Variants in MINDY4 observed in about 807,000 individuals in gnomAD.
MINDY4 encodes probable ubiquitin carboxyl-terminal hydrolase MINDY-4.
MINDY4 carries 68 observed loss-of-function variants against 87.0 expected under a neutral mutation model. The ratio of observed to expected loss-of-function variants is 0.78; its 90% CI spans 0.64 to 0.96. The LOEUF (loss-of-function observed/expected upper bound fraction) is 0.96, where lower values mean the gene tolerates loss of function less well. MINDY4 is among the 40% of genes least tolerant of loss of function. The pLI, the probability that MINDY4 is intolerant of heterozygous loss-of-function variation, is 0.00. For synonymous variants in MINDY4, 379 were observed against 363.2 expected (o/e 1.04, Z -0.50); for missense variants, 919 against 928.2 (o/e 0.99, Z 0.13).
chr7:30,813,892 G>T (rs1788077915), intron 5 of MINDY4, among the ~76,000 whole-genome samples: 1 of 152,006 alleles, frequency 6.6e-6, no homozygotes, highest in African/African-American at 2.4e-5. Flanking sequence ...TTTCCTGGAG[G>T]TTCTTTTTTC....
chr7:30,841,499 G>A (rs944744580), intron 9 of MINDY4, among the ~76,000 whole-genome samples: 61 of 152,288 alleles, frequency 4.0e-4, no homozygotes, highest in African/African-American at 1.4e-3. Flanking sequence ...GAAAGGATTG[G>A]CAGGGCACTG....
intron 5 of MINDY4, among the ~76,000 whole-genome samples, chr7:30,821,587 T>A (rs2128560846): frequency 6.6e-6 from 1 of 152,350 alleles, no homozygotes; most frequent in East Asian, 1.9e-4. Context: ...CATTTGAATC[T>A]CATGTTTCTA....
Position 30,839,230 on chromosome 7 carries a change from T to G in MINDY4, c.1270T>G (p.Phe424Val). ...EIKTLLFGSS[F>V]CCFNEEWKLQ... Reference sequence around the variant, plus strand: ...AAAGACCCTTCTGTTTGGTTCCAGCTTTTGCTGTTTCAATGAAGAATGGAA... The same window carrying G: ...AAAGACCCTTCTGTTTGGTTCCAGCGTTTGCTGTTTCAATGAAGAATGGAA... Residue 424 changes from phenylalanine (F) to valine (V), a missense_variant, in exon 8 of 18, where the codon TTT (phenylalanine) becomes GTT (valine). Physicochemically the swap from Phe to Val is conservative, Grantham distance 50. Transcript: ENST00000265299. 1 of 1,610,760 alleles carries G rather than the reference T, an allele frequency of 6.2e-7. No homozygotes were observed. Among genetic ancestry groups the G allele is most frequent in the Non-Finnish European group, 8.5e-7 (1 of 1,179,088 alleles).
chr7:30,870,198 C>T (rs553029275), intron 13 of MINDY4, among the ~76,000 whole-genome samples: 5 of 152,182 alleles, frequency 3.3e-5, no homozygotes, highest in Non-Finnish European at 5.9e-5. Context: ...TCCCAGCTGA[C>T]GCAGGCTCTC....
chr7:30,786,214 T>C, intron 4 of MINDY4: 1 of 572,756 alleles, frequency 1.7e-6, no homozygotes, highest in East Asian at 3.0e-5. Context: ...CTTACCCATT[T>C]TGTTTGTGAG....
intron 8 of MINDY4, 22 bp downstream of exon 8, chr7:30,839,338 T>C (rs117995346): frequency 0.018 from 26,297 of 1,493,622 alleles, 282 homozygotes; most frequent in Non-Finnish European, 0.021. Flanking sequence ...CTAGGTTTCC[T>C]TGGGACCTTT....
intron 5 of MINDY4, among the ~76,000 whole-genome samples, chr7:30,827,553 G>A (rs1174494618): frequency 6.6e-6 from 1 of 152,182 alleles, no homozygotes. Context: ...AGGAATGCCT[G>A]TAGAATCCTG....
At chr7:30,785,431 G>T (rs567284847) in intron 3 of MINDY4, among the ~76,000 whole-genome samples, 1 of 152,262 alleles carries the variant, frequency 6.6e-6, no homozygotes, top group South Asian at 2.1e-4. Flanking sequence ...GTACTGAAAG[G>T]TTATAGTTTT....
intron 5 of MINDY4, among the ~76,000 whole-genome samples, chr7:30,798,574 G>A (rs1480636125): frequency 2.0e-5 from 3 of 152,070 alleles, no homozygotes; most frequent in African/African-American, 7.3e-5. Context: ...TTGGCTCACT[G>A]CAAGCTCCGC....
chr7:30,870,423 C>T (rs1291732178), intron 13 of MINDY4, among the ~76,000 whole-genome samples: 1 of 152,214 alleles, frequency 6.6e-6, no homozygotes, highest in African/African-American at 2.4e-5. Context: ...TATGCTCTGC[C>T]ATGAGTCACT....
chr7:30,818,960 T>C (rs1032496056), intron 5 of MINDY4, among the ~76,000 whole-genome samples: 1 of 152,234 alleles, frequency 6.6e-6, no homozygotes, highest in Non-Finnish European at 1.5e-5. Context: ...ATTTATACTC[T>C]CTTCTCTTTA....
At chr7:30,804,095 G>C (rs1787736085) in intron 5 of MINDY4, among the ~76,000 whole-genome samples, 1 of 152,196 alleles carries the variant, frequency 6.6e-6, no homozygotes. Flanking sequence ...TGCTGTGACT[G>C]TCAGAGGTGG....
Position 30,836,645 on chromosome 7 carries a change from G to A in MINDY4, c.1133-13G>A. ...CATAACGAAGGGCTCACATGGCCAT[G>A]GTTTTCTTTCAGAGGATGTGGAGGA... On this transcript the variant is annotated splice_polypyrimidine_tract_variant and intron_variant, in intron 6 of 17. Coordinates refer to ENST00000265299, the MANE Select transcript of MINDY4 (RefSeq NM_032222.3). The A allele has an allele frequency of 1.2e-6, 2 of 1,609,912 alleles. No individual in the cohort carries two copies. The highest frequency in any genetic ancestry group is 1.7e-6 in the Non-Finnish European group (2 of 1,176,344).
intron 9 of MINDY4, among the ~76,000 whole-genome samples, chr7:30,842,049 G>A (rs1405116462): frequency 6.6e-6 from 1 of 152,178 alleles, no homozygotes; most frequent in East Asian, 1.9e-4. Context: ...TCACCAGCAC[G>A]GATGATTTTT....
intron 13 of MINDY4, among the ~76,000 whole-genome samples, chr7:30,863,885 G>A (rs569144014): frequency 2.0e-5 from 3 of 152,166 alleles, no homozygotes; most frequent in Admixed American, 6.5e-5. Flanking sequence ...AAGCTTTGCT[G>A]CTTTTCAAAC....
chr7:30,840,155 G>A (rs189347865), intron 8 of MINDY4, among the ~76,000 whole-genome samples: 2 of 152,318 alleles, frequency 1.3e-5, no homozygotes, highest in Non-Finnish European at 2.9e-5. Flanking sequence ...CTTTGCCAAT[G>A]TGTCCCAGGA....
intron 9 of MINDY4, among the ~76,000 whole-genome samples, chr7:30,848,044 T>C (rs1285895525): frequency 6.6e-6 from 1 of 152,250 alleles, no homozygotes; most frequent in African/African-American, 2.4e-5. Flanking sequence ...ACTGTTGGCT[T>C]TTAAAATCTT....
At chr7:30,862,886 G>T (rs920420506) in intron 13 of MINDY4, among the ~76,000 whole-genome samples, 1 of 151,460 alleles carries the variant, frequency 6.6e-6, no homozygotes, top group African/African-American at 2.4e-5. Context: ...AACAAAATCT[G>T]ATTTTTTTTA....
intron 5 of MINDY4, among the ~76,000 whole-genome samples, chr7:30,820,027 A>G (rs1414662795): frequency 9.0e-5 from 13 of 144,700 alleles, no homozygotes; most frequent in African/African-American, 3.1e-4. Context: ...TCAGCCTCCC[A>G]AGTAGCTGGG....
Sources: allele counts gnomAD v4.1 joint callset (sites outside exome capture counted in the v4.1 genomes callset), GRCh38; gene constraint gnomAD v4.1.1; transcripts MANE v1.5; gene names NCBI Gene and HGNC (gene_info 2026-07-23, HGNC 2026-07-21).